Variants in PPP1R37 observed in about 807,000 individuals in gnomAD.
PPP1R37 encodes protein phosphatase 1 regulatory subunit 37.
Under a neutral mutation model 61.0 loss-of-function variants are expected in PPP1R37, and 21 were observed. The ratio of observed to expected loss-of-function variants is 0.34; its 90% CI spans 0.24 to 0.50. The LOEUF is 0.50. Ranked by LOEUF, PPP1R37 falls within the 20% of genes least tolerant of loss-of-function variation. PPP1R37 has a pLI of 0.98. For missense variants in PPP1R37, 910 were observed against 952.7 expected, an observed-to-expected ratio of 0.96 and a Z score of 0.59; for synonymous variants, 443 against 433.5, an observed-to-expected ratio of 1.02 and a Z score of -0.27.
At chr19:45,114,565 TGCAGACA>T (rs1474479072) in intron 1 of PPP1R37, among the ~76,000 whole-genome samples, 3 of 152,220 alleles carry the variant, frequency 2.0e-5, no homozygotes, top group Admixed American at 1.3e-4. Context: ...GAGGAGGCTC[TGCAGACA>T]CCCCAAATAG....
chr19:45,099,143 C>G (rs1968030926), intron 1 of PPP1R37, among the ~76,000 whole-genome samples: 1 of 152,172 alleles, frequency 6.6e-6, no homozygotes, highest in Non-Finnish European at 1.5e-5. Context: ...CATTTTGTTT[C>G]TGTTTCCTGC....
At chr19:45,141,163 G>T (rs150876607) in intron 4 of PPP1R37, among the ~76,000 whole-genome samples, 159 bp from the exon 5 acceptor site, 1 of 152,196 alleles carries the variant, frequency 6.6e-6, no homozygotes, top group African/African-American at 2.4e-5. Flanking sequence ...GTTTGTCCCC[G>T]TGGCTCACGG....
At chr19:45,104,800 G>A (rs1599690622) in intron 1 of PPP1R37, among the ~76,000 whole-genome samples, 1 of 151,978 alleles carries the variant, frequency 6.6e-6, no homozygotes, top group Admixed American at 6.6e-5. Context: ...CTCTTGCTGG[G>A]TTCAAGCCAT....
intron 5 of PPP1R37, 108 bp downstream of exon 5, chr19:45,141,549 G>A: frequency 7.4e-7 from 1 of 1,351,978 alleles, no homozygotes; most frequent in Non-Finnish European, 9.9e-7. Flanking sequence ...TCTTGAGTGT[G>A]GGCTGTTGTG....
At chr19:45,112,799 C>A (rs1968218473) in intron 1 of PPP1R37, among the ~76,000 whole-genome samples, 1 of 152,130 alleles carries the variant, frequency 6.6e-6, no homozygotes, top group African/African-American at 2.4e-5. Context: ...CCAGCATGAC[C>A]CTGCCCGGGG....
chr19:45,113,049 C>T (rs980522378), intron 1 of PPP1R37, among the ~76,000 whole-genome samples: 2 of 152,198 alleles, frequency 1.3e-5, no homozygotes, highest in Non-Finnish European at 2.9e-5. Context: ...CTGCCCTCGA[C>T]AGCTTAGAGA....
Position 45,145,340 on chromosome 19 carries a change from G to A in PPP1R37, c.1297-13G>A, listed in dbSNP as rs1454949586. 22 of 1,530,616 alleles carry A rather than the reference G, an allele frequency of 1.4e-5. No individual in the cohort carries two copies. Among genetic ancestry groups the A allele is most frequent in the Middle Eastern group, 1.7e-4 (1 of 5,968 alleles). 94.8% of individuals were successfully genotyped at this position (1,530,616 alleles called of 1,614,324 possible). On this transcript the variant is annotated splice_polypyrimidine_tract_variant and intron_variant, in intron 10 of 12. Transcript: ENST00000221462. Reference sequence around the variant, plus strand: ...GCCGGCCTGAGAGCCCTAGCCAGGCGCTCCCGCCACAGGTGAAGAGCTTCA... The same window carrying A: ...GCCGGCCTGAGAGCCCTAGCCAGGCACTCCCGCCACAGGTGAAGAGCTTCA...
In PPP1R37 at chr19:45,112,336, G is replaced by A. The variant is rs139065074; in HGVS notation, c.202+18809G>A. On this transcript the variant is annotated intron_variant, in intron 1 of 12. Transcript: ENST00000221462. ...CCTTCTGATACATTTCACCTGGGGCGTGAGCAAGACTTTCGCTAGAGTCTG... is the reference window on the plus strand; with the variant it reads ...CCTTCTGATACATTTCACCTGGGGCATGAGCAAGACTTTCGCTAGAGTCTG... 1.1e-3 allele frequency among the ~76,000 whole-genome samples: 175 copies of A among 152,376 alleles called. 3 individuals carry two copies. In the East Asian group the frequency reaches 0.028, roughly 24 times the overall value.
intron 8 of PPP1R37, chr19:45,144,542 C>T (rs1255537540): frequency 7.7e-6 from 3 of 387,438 alleles, no homozygotes; most frequent in Non-Finnish European, 1.4e-5. Flanking sequence ...AAGAGTTGCC[C>T]TCCTTGGGGG....
At chr19:45,119,861 G>A (rs376533098) in intron 1 of PPP1R37, among the ~76,000 whole-genome samples, 26 of 152,150 alleles carry the variant, frequency 1.7e-4, no homozygotes, top group African/African-American at 3.4e-4. Flanking sequence ...GAAGGAGGCC[G>A]CCGCCCCAGG....
chr19:45,125,235 C>T (rs924456869), intron 1 of PPP1R37, among the ~76,000 whole-genome samples: 14 of 151,986 alleles, frequency 9.2e-5, no homozygotes, highest in Non-Finnish European at 1.5e-4. Context: ...GAGGCCGAGG[C>T]GGGCGGATCA....
chr19:45,146,685 C>G lies in PPP1R37; in HGVS notation c.*123C>G. 1.9e-6 allele frequency: 1 copy of G among 527,196 alleles called. No homozygotes were observed. Among genetic ancestry groups the G allele is most frequent in the South Asian group, 2.1e-5 (1 of 48,756 alleles). The allele number at this position is 527,196 out of a possible 1,614,324, so 32.7% of individuals were successfully genotyped here. A position where few individuals can be genotyped will look rare whatever the true frequency, so the allele number is the denominator to read the frequency against. ...GCCAGGGGTGGGGGCCATTCTGGGG[C>G]CCCCCTCCCCCCACAGCAACACTAC... On this transcript the variant is annotated 3_prime_UTR_variant, in exon 13 of 13. Coordinates refer to ENST00000221462, the MANE Select transcript of PPP1R37 (RefSeq NM_019121.2).
intron 2 of PPP1R37, among the ~76,000 whole-genome samples, chr19:45,139,520 C>T (rs1370510562): frequency 6.6e-6 from 1 of 152,262 alleles, no homozygotes; most frequent in Non-Finnish European, 1.5e-5. Context: ...AAGCACCGCT[C>T]GTTCCGAGGG....
At position 45,130,747 on chromosome 19, in the gene PPP1R37, C is replaced by T. The variant is rs1327605957; in HGVS notation, c.203-7767C>T. 3.3e-5 allele frequency among the ~76,000 whole-genome samples: 5 copies of T among 152,220 alleles called. No individual in the cohort carries two copies. The highest frequency in any genetic ancestry group is 7.3e-5 in the Non-Finnish European group (5 of 68,032). ...GCTAGGACCTCCTGACTCTGGTGCT[C>T]TGTGAACCTGGCTCGCAGACGTCCC... On this transcript the variant is annotated intron_variant, in intron 1 of 12. Transcript: ENST00000221462. The surrounding 1 kb of genome is among the most constrained non-coding windows in gnomAD (Gnocchi z 4.4).
At chr19:45,122,273 A>G (rs1177977824) in intron 1 of PPP1R37, among the ~76,000 whole-genome samples, 1 of 152,110 alleles carries the variant, frequency 6.6e-6, no homozygotes, top group Non-Finnish European at 1.5e-5. Flanking sequence ...AGTGCAGGGC[A>G]CCCAAAAGCC....
chr19:45,103,283 G>A (rs767291820), intron 1 of PPP1R37, among the ~76,000 whole-genome samples: 17 of 152,192 alleles, frequency 1.1e-4, no homozygotes, highest in Non-Finnish European at 2.4e-4. Flanking sequence ...GCTGACATCC[G>A]CACAGCTCAT....
chr19:45,142,247 C>T (rs1968622910), intron 6 of PPP1R37, 36 bp downstream of exon 6: 1 of 1,533,406 alleles, frequency 6.5e-7, no homozygotes, highest in South Asian at 1.2e-5. Flanking sequence ...GCAGGATGTG[C>T]AGCCTGTTGG....
At chr19:45,144,531 T>G in intron 8 of PPP1R37, 1 of 355,220 alleles carries the variant, frequency 2.8e-6, no homozygotes. Flanking sequence ...AACCCCGGGA[T>G]AAGAGTTGCC....
chr19:45,142,659 G>A (rs1407163243), intron 7 of PPP1R37: 9 of 604,372 alleles, frequency 1.5e-5, no homozygotes, highest in Admixed American at 6.3e-5. Flanking sequence ...GCCCAGAGGC[G>A]GGGTCCGATC....
Sources: gnomAD v4.1 joint callset for allele counts (sites outside exome capture counted in the v4.1 genomes callset) on GRCh38, gnomAD v4.1.1 for gene constraint, Gnocchi (gnomAD v3.1) non-coding constraint, MANE v1.5 for transcripts, NCBI Gene and HGNC (gene_info 2026-07-23, HGNC 2026-07-21) for gene names.